KANSL1: variants seen among roughly 807,000 people sequenced by gnomAD.
KANSL1 encodes the protein MLL1/MLL complex subunit KANSL1.
Under a neutral mutation model 103.6 loss-of-function variants are expected in KANSL1, and 22 were observed. The observed-to-expected ratio is 0.21, with a 90% CI of 0.15 to 0.30. The LOEUF (loss-of-function observed/expected upper bound fraction) is 0.30, where lower values mean the gene tolerates loss of function less well. KANSL1 is among the 10% of genes least tolerant of loss of function. KANSL1 has a pLI of 1.00. For synonymous variants in KANSL1, 600 were observed against 527.6 expected (o/e 1.14, Z -1.88); for missense variants, 1,337 against 1,399.8 (o/e 0.96, Z 0.72).
chr17:46,115,202 C>T (rs4630591), intron 2 of KANSL1, among the ~76,000 whole-genome samples: 20,205 of 151,752 alleles, frequency 0.13, 1,742 homozygotes, highest in Middle Eastern at 0.21. Context: ...TGGGATTACA[C>T]GCGCCTGCCA....
At chr17:46,091,820 T>C (rs1017327154) in intron 3 of KANSL1, among the ~76,000 whole-genome samples, 1 of 151,964 alleles carries the variant, frequency 6.6e-6, no homozygotes, top group African/African-American at 2.4e-5. Flanking sequence ...TAAGTATGTA[T>C]GTATGTATGT....
intron 2 of KANSL1, among the ~76,000 whole-genome samples, chr17:46,161,435 C>CAA (rs367893192): frequency 5.0e-4 from 67 of 134,956 alleles, no homozygotes; most frequent in Admixed American, 7.4e-4. Context: ...GACTCTGTCT[C>CAA]AAAAAAAAAA....
At chr17:46,077,000 C>CA (rs1213501097) in intron 4 of KANSL1, among the ~76,000 whole-genome samples, 13 of 152,178 alleles carry the variant, frequency 8.5e-5, no homozygotes, top group African/African-American at 3.1e-4. Flanking sequence ...TTCCAATTTC[C>CA]ATGCCTTTAA....
chr17:46,224,412 C>A (rs1345653750), upstream of KANSL1: 1 of 150,886 alleles, frequency 6.6e-6, no homozygotes, highest in Non-Finnish European at 1.5e-5. Flanking sequence ...TCGTTCAAGT[C>A]CTGGGCCTGT....
rs181697531 is a variant in KANSL1, at chr17:46,177,739, A to G, written c.-89-5507T>C. On this transcript the variant is annotated intron_variant, in intron 1 of 14. Transcript: ENST00000432791. Reference sequence around the variant, plus strand: ...CAAAAAGAAAACAATGGAAATTCTTAAAGAGCCAATAACTAAGTAAAACAA... The same window carrying G: ...CAAAAAGAAAACAATGGAAATTCTTGAAGAGCCAATAACTAAGTAAAACAA... Among the ~76,000 whole-genome samples the G allele has an allele frequency of 3.0e-3, 457 of 152,326 alleles. 7 individuals are homozygous for G. Among genetic ancestry groups the G allele is most frequent in the African/African-American group, 0.011 (439 of 41,576 alleles).
At chr17:46,121,487 C>CGA (rs1477240019) in intron 2 of KANSL1, 1 of 152,392 alleles carries the variant, frequency 6.6e-6, no homozygotes, top group African/African-American at 2.4e-5. Context: ...CAAATGCTCA[C>CGA]ACAGCTGACT....
Position 46,032,208 on chromosome 17 carries a change from T to C in KANSL1, c.2929A>G (p.Ser977Gly). Residue 977 changes from serine (S) to glycine (G), a missense_variant, in exon 14 of 15, where the codon AGC becomes GGC. Physicochemically the swap from Ser to Gly is moderately conservative, Grantham distance 56. Around this residue, in one of 2 missense-constraint regions of KANSL1, gnomAD observed 780 missense variants for 923.4 expected, o/e 0.84. Transcript: ENST00000432791. ...TGGGAGTATTCTGACAAAGAGTGGC[T>C]ACTGCTGACATCAGGGGAGGCAGGC... ...PQPASPDVSSSHSLSEYSHGQ... is the reference protein window; with the variant it reads ...PQPASPDVSSGHSLSEYSHGQ... 6.2e-7 allele frequency: 1 copy of C among 1,602,696 alleles called. No homozygotes were observed. The highest frequency in any genetic ancestry group is 8.5e-7 in the Non-Finnish European group (1 of 1,172,672).
intron 2 of KANSL1, among the ~76,000 whole-genome samples, chr17:46,136,632 A>C (rs1438869631): frequency 6.6e-6 from 1 of 152,198 alleles, no homozygotes; most frequent in Non-Finnish European, 1.5e-5. Flanking sequence ...CTTTCTCGTC[A>C]CCCACCCCAC....
intron 2 of KANSL1, among the ~76,000 whole-genome samples, chr17:46,121,991 T>C (rs979872530): frequency 6.6e-6 from 1 of 152,218 alleles, no homozygotes; most frequent in Non-Finnish European, 1.5e-5. Flanking sequence ...TACTGAAGAC[T>C]GTACTGAAAG....
chr17:46,066,415 A>AAT, intron 6 of KANSL1, 122 bp downstream of exon 6: 1 of 741,820 alleles, frequency 1.3e-6, no homozygotes, highest in Non-Finnish European at 2.0e-6. Context: ...GTATTTTATA[A>AAT]AGCTCCCCAG....
chr17:46,122,453 A>T (rs2043323507), intron 2 of KANSL1, among the ~76,000 whole-genome samples: 1 of 152,242 alleles, frequency 6.6e-6, no homozygotes, highest in South Asian at 2.1e-4. Flanking sequence ...GAAATATGAA[A>T]CACTTTTAAT....
chr17:46,185,700 C>T (rs112064009), intron 1 of KANSL1, among the ~76,000 whole-genome samples: 1,197 of 71,614 alleles, frequency 0.017, 6 homozygotes, highest in East Asian at 0.069. Context: ...TATACACACA[C>T]ACACACACAC....
Position 46,039,088 on chromosome 17 carries a change from G to C in KANSL1, c.2331C>G (p.Pro777=), listed in dbSNP as rs139663254. 8 of 1,612,068 alleles carry C rather than the reference G, an allele frequency of 5.0e-6. No homozygotes were observed. The highest frequency in any genetic ancestry group is 6.8e-6 in the Non-Finnish European group (8 of 1,179,692). ...TTTTGCTGTGGTTTGGGTCATGCAC[G>C]GGTGGTGGTGGGTTGAGCAAGCGCT... The part of the protein sequence containing the change: ...KAERLLNPPP[P]VHDPNHSKMR... Residue 777 remains proline (P), a synonymous_variant, in exon 9 of 15, where the codon CCC becomes CCG. Transcript: ENST00000432791.
chr17:46,109,528 A>C (rs62061822), intron 2 of KANSL1, among the ~76,000 whole-genome samples: 21,644 of 151,198 alleles, frequency 0.14, 2,115 homozygotes, highest in Non-Finnish European at 0.22. Flanking sequence ...CAAAAACCAC[A>C]CCCCCACCAA....
intron 2 of KANSL1, among the ~76,000 whole-genome samples, chr17:46,125,308 T>C (rs1020005662): frequency 6.6e-6 from 1 of 152,226 alleles, no homozygotes; most frequent in Non-Finnish European, 1.5e-5. Flanking sequence ...CACTATTTAT[T>C]ATGACATAAG....
chr17:46,043,503 C>A (rs1026502591), intron 7 of KANSL1: 1 of 152,202 alleles, frequency 6.6e-6, no homozygotes, highest in Admixed American at 6.5e-5. Flanking sequence ...AACATTCTAG[C>A]ATTCATTCTC....
rs1301400639 is a variant in KANSL1, at chr17:46,171,519, T to C, written c.625A>G (p.Thr209Ala). The part of the protein sequence containing the change: ...GDLKGGMTNC[T>A]LPHRSLDVEH... ...ACATCAAGGCTTCTATGTGGAAGAG[T>C]GCAATTGGTCATACCCCCCTTCAAG... The change falls in exon 2 of 15, where the codon ACT (threonine) becomes GCT (alanine). Residue 209 changes from threonine (T) to alanine (A), a missense_variant. Thr to Ala is a moderately conservative substitution (Grantham distance 58, BLOSUM62 0). Coordinates refer to ENST00000432791, the MANE Select transcript of KANSL1 (RefSeq NM_015443.4). 3 of 1,613,732 alleles carry C rather than the reference T, an allele frequency of 1.9e-6. No individual in the cohort carries two copies. In the East Asian group the frequency reaches 6.7e-5, roughly 36 times the overall value.
chr17:46,071,155 T>A (rs1253792087), intron 4 of KANSL1, among the ~76,000 whole-genome samples: 2 of 152,210 alleles, frequency 1.3e-5, no homozygotes, highest in African/African-American at 4.8e-5. Flanking sequence ...TGAATCTTCC[T>A]GGAGTAATTC....
chr17:46,059,600 G>A (rs2078073604), intron 6 of KANSL1, among the ~76,000 whole-genome samples: 1 of 142,556 alleles, frequency 7.0e-6, no homozygotes, highest in African/African-American at 2.6e-5. Context: ...TTCAGCCTGG[G>A]TGACAGAGCG....
Sources: gnomAD v4.1 joint callset for allele counts (sites outside exome capture counted in the v4.1 genomes callset) on GRCh38, gnomAD v4.1.1 for gene constraint, gnomAD v4.1.1 regional missense constraint, MANE v1.5 for transcripts, NCBI Gene and HGNC (gene_info 2026-07-23, HGNC 2026-07-21) for gene names.